Variants in TRIM49 observed in about 807,000 individuals in gnomAD.
TRIM49 encodes the protein tripartite motif containing 49, also known as tripartite motif-containing protein 49.
A neutral mutation model predicts 27.4 loss-of-function variants in TRIM49; 5 were observed. The observed-to-expected ratio is 0.18, with a 90% confidence interval of 0.10 to 0.38. The LOEUF is 0.38. TRIM49 is among the 10% of genes least tolerant of loss of function. The pLI is 1.00. For missense variants in TRIM49, 188 were observed against 487.5 expected, an observed-to-expected ratio of 0.39 and a Z score of 5.79; for synonymous variants, 69 against 166.0, an observed-to-expected ratio of 0.42 and a Z score of 4.49.
the TRIM49 span, among the ~76,000 whole-genome samples, chr11:89,769,311 A>G: frequency 7.4e-6 from 1 of 134,686 alleles, no homozygotes; most frequent in Non-Finnish European, 1.5e-5. Flanking sequence ...CATCTCTTAC[A>G]CTTATACCAG....
the TRIM49 span, chr11:89,778,117 T>C: frequency 3.9e-6 from 3 of 764,648 alleles, no homozygotes; most frequent in African/African-American, 5.1e-5. Flanking sequence ...AGTGATTTCA[T>C]CTCAAGAAAA....
chr11:89,776,433 AT>A, the TRIM49 span, among the ~76,000 whole-genome samples: 3 of 148,402 alleles, frequency 2.0e-5, no homozygotes, highest in Non-Finnish European at 4.4e-5. Context: ...AATTTTTTGT[AT>A]TTTTAGTAGA....
At chr11:89,777,234 C>T in the TRIM49 span, 68 of 1,548,512 alleles carry the variant, frequency 4.4e-5, no homozygotes, top group Middle Eastern at 9.1e-4. Context: ...CTCAGAACAT[C>T]AACAGCTCAG....
intron 3 of TRIM49, 93 bp downstream of exon 3, chr11:89,803,966 C>T (rs958654561): frequency 1.9e-6 from 3 of 1,611,024 alleles, no homozygotes; most frequent in Non-Finnish European, 2.5e-6. Flanking sequence ...CTTAAAGGGA[C>T]TCAGAGTTGG....
the TRIM49 span, among the ~76,000 whole-genome samples, chr11:89,767,449 AT>A: frequency 8.0e-6 from 1 of 124,856 alleles, no homozygotes; most frequent in Non-Finnish European, 1.6e-5. Flanking sequence ...GTGGGGAGCC[AT>A]TCTTAGACCC....
the TRIM49 span, among the ~76,000 whole-genome samples, chr11:89,772,895 T>C: frequency 1.5e-5 from 2 of 134,044 alleles, no homozygotes; most frequent in East Asian, 4.2e-4. Flanking sequence ...AATTATTTCT[T>C]AAGAAAAAGT....
At chr11:89,786,924 T>C in the TRIM49 span, 1 of 121,926 alleles carries the variant, frequency 8.2e-6, no homozygotes, top group African/African-American at 4.6e-5. Context: ...GAGGGATGCG[T>C]TTGGGTTGAA....
intron 3 of TRIM49, 127 bp downstream of exon 3, chr11:89,803,932 G>A: frequency 2.0e-6 from 3 of 1,530,692 alleles, no homozygotes; most frequent in Admixed American, 1.9e-5. Context: ...GAGGTTGGAA[G>A]CTAAGAAAGC....
chr11:89,781,997 G>A, the TRIM49 span: 1 of 1,529,014 alleles, frequency 6.5e-7, no homozygotes, highest in South Asian at 1.2e-5. Flanking sequence ...TCCCCAGGGA[G>A]TGGACAGCTT....
At chr11:89,771,370 G>A in the TRIM49 span, among the ~76,000 whole-genome samples, 9 of 102,770 alleles carry the variant, frequency 8.8e-5, 4 homozygotes, top group Non-Finnish European at 1.8e-4. Flanking sequence ...GTTCATTTCT[G>A]CATTGGCTTA....
chr11:89,793,569 C>CA (rs1565443822), downstream of TRIM49, among the ~76,000 whole-genome samples: 4 of 152,112 alleles, frequency 2.6e-5, no homozygotes, highest in East Asian at 2.0e-4. Flanking sequence ...GGATCCAAGG[C>CA]TGGTTCAACA....
the TRIM49 span, chr11:89,789,835 C>G: frequency 6.5e-6 from 1 of 152,716 alleles, no homozygotes; most frequent in Non-Finnish European, 1.5e-5. Context: ...GTGAGCGATG[C>G]AGAAGATGGG....
At chr11:89,800,784 T>G (rs1053076692) in intron 6 of TRIM49, among the ~76,000 whole-genome samples, 182 bp downstream of exon 6, 1 of 150,572 alleles carries the variant, frequency 6.6e-6, no homozygotes, top group African/African-American at 2.5e-5. Flanking sequence ...TTGTTTTAGT[T>G]CACTCTTCTT....
At chr11:89,805,613 A>C (rs1411858259) in intron 2 of TRIM49, among the ~76,000 whole-genome samples, 221 of 151,438 alleles carry the variant, frequency 1.5e-3, no homozygotes, top group African/African-American at 5.3e-3. Context: ...TAGACTCCAT[A>C]ATCAAGCAAA....
At chr11:89,787,526 C>T in the TRIM49 span, 2 of 546,808 alleles carry the variant, frequency 3.7e-6, no homozygotes, top group Non-Finnish European at 6.1e-6. Flanking sequence ...ACCTGCCCCG[C>T]TGCCGGGGTC....
chr11:89,774,452 T>TC, the TRIM49 span, among the ~76,000 whole-genome samples: 5 of 149,686 alleles, frequency 3.3e-5, no homozygotes, highest in Non-Finnish European at 7.4e-5. Flanking sequence ...TGCAATCCAA[T>TC]CCATCTCAGG....
chr11:89,768,876 C>A, the TRIM49 span: 1 of 499,272 alleles, frequency 2.0e-6, no homozygotes, highest in African/African-American at 2.8e-5. Context: ...GAAAACGACT[C>A]CTTTAGAAAG....
the TRIM49 span, among the ~76,000 whole-genome samples, chr11:89,769,001 A>T: frequency 7.4e-6 from 1 of 135,798 alleles, no homozygotes; most frequent in South Asian, 2.3e-4. Flanking sequence ...CAACATGGCA[A>T]ATCCCCATCC....
chr11:89,783,648 T>C, the TRIM49 span, among the ~76,000 whole-genome samples: 1 of 142,480 alleles, frequency 7.0e-6, no homozygotes, highest in South Asian at 2.2e-4. Context: ...TTGCTAAGCA[T>C]AAAGTGGTAT....
Sources: allele counts gnomAD v4.1 joint callset (sites outside exome capture counted in the v4.1 genomes callset), GRCh38; gene constraint gnomAD v4.1.1; transcripts MANE v1.5; gene names NCBI Gene and HGNC (gene_info 2026-07-23, HGNC 2026-07-21).